Variants in KCNMA1 observed in about 807,000 individuals in gnomAD.
KCNMA1 encodes potassium calcium-activated channel subfamily M alpha 1, also known as Calcium-activated potassium channel subunit alpha-1.
In KCNMA1, 29 loss-of-function variants were observed where a neutral mutation model predicts 140.0. The ratio of observed to expected loss-of-function variants is 0.21; its 90% CI spans 0.15 to 0.28. KCNMA1 has a LOEUF of 0.28. Among genes scored for constraint, KCNMA1 ranks in the 10% least tolerant of loss-of-function variants. KCNMA1 has a pLI of 1.00. For missense variants in KCNMA1, 880 were observed against 1,602.2 expected (o/e 0.55, Z 7.70); for synonymous variants, 612 against 611.9 (o/e 1.00, Z 0.00).
intron 2 of KCNMA1, among the ~76,000 whole-genome samples, chr10:77,354,779 A>G (rs2093315944): frequency 1.3e-5 from 2 of 152,218 alleles, no homozygotes; most frequent in African/African-American, 4.8e-5. Flanking sequence ...CAGTGGCTGA[A>G]TTATCCAAGG....
intron 1 of KCNMA1, among the ~76,000 whole-genome samples, chr10:77,457,480 C>T (rs193020045): frequency 2.6e-5 from 4 of 152,238 alleles, no homozygotes; most frequent in Admixed American, 6.5e-5. Flanking sequence ...TTCCAGCATC[C>T]GCCAGGTGCT....
intron 15 of KCNMA1, among the ~76,000 whole-genome samples, chr10:77,028,203 C>T (rs757237238): frequency 6.6e-5 from 10 of 152,112 alleles, no homozygotes; most frequent in African/African-American, 2.4e-4. Context: ...ATTAGTTACT[C>T]GGTCGGGTAG....
rs369216966 is a variant in KCNMA1, at chr10:77,108,794, C to CA, written c.1132-223dup. Among the ~76,000 whole-genome samples the CA allele has an allele frequency of 4.7e-5, 7 of 149,970 alleles. No individual in the cohort carries two copies. The highest frequency in any genetic ancestry group is 2.1e-4 in the South Asian group (1 of 4,744). ...ATTGGCCACCTTGACAACTAAAGAA[C>CA]AAAAAAAAATCACAGTCGAGAAAAA... On this transcript the variant is annotated intron_variant, in intron 8 of 27. Transcript: ENST00000286628. This position sits in a 1 kb window ranked among gnomAD's most constrained non-coding sequence, Gnocchi z 4.6.
intron 2 of KCNMA1, among the ~76,000 whole-genome samples, chr10:77,253,816 C>G (rs1330928938): frequency 6.6e-6 from 1 of 152,182 alleles, no homozygotes; most frequent in Non-Finnish European, 1.5e-5. Context: ...ATCTGCCTCT[C>G]AGTATTAAGG....
chr10:77,555,858 T>TTGTATTTGGGGGCC (rs113332698), intron 1 of KCNMA1, among the ~76,000 whole-genome samples: 43,946 of 152,026 alleles, frequency 0.29, 7,155 homozygotes, highest in African/African-American at 0.44. Flanking sequence ...GAAATCTTGT[T>TTGTATTTGGGGGCC]TCTGGTTCTG....
intron 1 of KCNMA1, among the ~76,000 whole-genome samples, chr10:77,517,937 A>G (rs577019849): frequency 6.6e-6 from 1 of 152,302 alleles, no homozygotes; most frequent in East Asian, 1.9e-4. Context: ...TGCCCCAGAG[A>G]AAATAATAAA....
At chr10:77,080,985 A>G (rs997494038) in intron 12 of KCNMA1, among the ~76,000 whole-genome samples, 1 of 152,198 alleles carries the variant, frequency 6.6e-6, no homozygotes, top group African/African-American at 2.4e-5. Context: ...CTGGTTAAAA[A>G]TAAGTGCCAA....
chr10:77,379,844 G>C (rs889709551), intron 2 of KCNMA1, among the ~76,000 whole-genome samples: 2 of 152,026 alleles, frequency 1.3e-5, no homozygotes, highest in African/African-American at 4.8e-5. Context: ...CAAAACATTT[G>C]GTGTCCACTT....
At chr10:77,583,879 A>G (rs1030743624) in intron 1 of KCNMA1, among the ~76,000 whole-genome samples, 4 of 152,218 alleles carry the variant, frequency 2.6e-5, no homozygotes, top group Admixed American at 2.6e-4. Flanking sequence ...AAGGAAATAC[A>G]AGGAAATGCC....
At chr10:77,600,772 C>T (rs1344637884) in intron 1 of KCNMA1, among the ~76,000 whole-genome samples, 1 of 145,790 alleles carries the variant, frequency 6.9e-6, no homozygotes, top group Non-Finnish European at 1.5e-5. Flanking sequence ...CACACATGCA[C>T]ACACACATAT....
chr10:77,228,469 G>A (rs768458747), intron 3 of KCNMA1, among the ~76,000 whole-genome samples: 15 of 152,266 alleles, frequency 9.9e-5, no homozygotes, highest in Admixed American at 2.0e-4. Context: ...AGGAGGTAAA[G>A]CTCCCATAAG....
intron 17 of KCNMA1, among the ~76,000 whole-genome samples, chr10:77,014,883 A>G (rs2091685519): frequency 6.6e-6 from 1 of 152,178 alleles, no homozygotes; most frequent in African/African-American, 2.4e-5. Context: ...CTCACCTCGC[A>G]AAGCCCCTCC....
chr10:77,169,358 GTTTT>G (rs1163293844), intron 5 of KCNMA1, among the ~76,000 whole-genome samples: 1 of 151,820 alleles, frequency 6.6e-6, no homozygotes, highest in Admixed American at 6.6e-5. Context: ...ATGAGACTGA[GTTTT>G]TTGTTTGTTT....
At chr10:77,087,166 A>G (rs981628708) in intron 10 of KCNMA1, among the ~76,000 whole-genome samples, 4 of 151,974 alleles carry the variant, frequency 2.6e-5, no homozygotes, top group African/African-American at 9.7e-5. Context: ...TCATTCTCCT[A>G]TCCTTGGACT....
intron 2 of KCNMA1, among the ~76,000 whole-genome samples, chr10:77,305,934 C>T (rs1005553078): frequency 1.6e-4 from 25 of 152,212 alleles, no homozygotes. Flanking sequence ...CTGATTTCCA[C>T]TATAAATTTG....
intron 2 of KCNMA1, chr10:77,314,170 A>G (rs1047339112): frequency 2.2e-4 from 33 of 152,318 alleles, no homozygotes; most frequent in African/African-American, 7.5e-4. Flanking sequence ...GTGTGTGTCT[A>G]TTGGGTGTAC....
chr10:77,334,606 G>T (rs2088042575), intron 2 of KCNMA1, among the ~76,000 whole-genome samples: 1 of 152,074 alleles, frequency 6.6e-6, no homozygotes, highest in Non-Finnish European at 1.5e-5. Flanking sequence ...TAGGTGTTTG[G>T]GGGCCAGAAA....
chr10:77,570,749 A>AG (rs202100835), intron 1 of KCNMA1, among the ~76,000 whole-genome samples: 2,214 of 150,302 alleles, frequency 0.015, 62 homozygotes, highest in African/African-American at 0.051. Flanking sequence ...ATAATAAAAA[A>AG]AAGAAATTAC....
chr10:76,876,462 T>G (rs554029211), downstream of KCNMA1: 9 of 152,740 alleles, frequency 5.9e-5, no homozygotes, highest in African/African-American at 1.7e-4. Context: ...GACATCGTAA[T>G]TGCATCTGAT....
Sources: gnomAD v4.1 joint callset for allele counts (sites outside exome capture counted in the v4.1 genomes callset) on GRCh38, gnomAD v4.1.1 for gene constraint, Gnocchi (gnomAD v3.1) non-coding constraint, MANE v1.5 for transcripts, NCBI Gene and HGNC (gene_info 2026-07-23, HGNC 2026-07-21) for gene names.